Variants in CSGALNACT1 observed in about 807,000 individuals in gnomAD.
CSGALNACT1 encodes the protein chondroitin sulfate N-acetylgalactosaminyltransferase 1.
A neutral mutation model predicts 51.0 loss-of-function variants in CSGALNACT1; 52 were observed. The ratio of observed to expected loss-of-function variants is 1.02; its 90% CI spans 0.82 to 1.29. The LOEUF (loss-of-function observed/expected upper bound fraction) is 1.29. CSGALNACT1 is among the 50% of genes most tolerant of loss of function. The probability of loss-of-function intolerance (pLI) is 0.00; values close to 1 mark genes in which losing one functional copy is unlikely to be tolerated. For missense variants in CSGALNACT1, 935 were observed against 679.2 expected (o/e 1.38, Z -4.19); for synonymous variants, 341 against 254.4 (o/e 1.34, Z -3.24).
intron 1 of CSGALNACT1, chr8:19,682,371 G>C (rs1207242074): frequency 9.3e-6 from 3 of 321,212 alleles, no homozygotes; most frequent in African/African-American, 4.3e-5. Flanking sequence ...TCCCTTCCTA[G>C]GGCTCTTCTT....
chr8:19,516,055 C>T (rs116753938), intron 3 of CSGALNACT1, among the ~76,000 whole-genome samples: 1 of 152,282 alleles, frequency 6.6e-6, no homozygotes, highest in African/African-American at 2.4e-5. Flanking sequence ...TTTTGGGGCT[C>T]TTGGTGCCGG....
chr8:19,427,742 C>T lies in CSGALNACT1; in HGVS notation c.954-7224G>A, dbSNP rs183705941. 9.9e-5 allele frequency among the ~76,000 whole-genome samples: 15 copies of T among 151,934 alleles called. No homozygotes were observed. The East Asian group carries it at 2.5e-3, about 26-fold the overall frequency. On this transcript the variant is annotated intron_variant, in intron 6 of 9. Coordinates refer to ENST00000454498, the Ensembl canonical transcript of CSGALNACT1. ...GGCGAAGCTTGCCGTTAGCCGAGAT[C>T]GCGCCACTGCACTCCAGCCTGGGCA... is the stretch of plus-strand genomic sequence containing the variant.
At chr8:19,675,846 G>T (rs1244935347) in intron 1 of CSGALNACT1, among the ~76,000 whole-genome samples, 1 of 151,964 alleles carries the variant, frequency 6.6e-6, no homozygotes, top group African/African-American at 2.4e-5. Flanking sequence ...GTTCATCCAA[G>T]TCACATGCGG....
At chr8:19,669,955 C>T (rs1332531821) in intron 1 of CSGALNACT1, among the ~76,000 whole-genome samples, 1 of 152,156 alleles carries the variant, frequency 6.6e-6, no homozygotes, top group East Asian at 1.9e-4. Context: ...CTCACTCTCC[C>T]CTCAAAATGC....
At chr8:19,728,616 A>C (rs762015686) in intron 1 of CSGALNACT1, among the ~76,000 whole-genome samples, 16 of 152,296 alleles carry the variant, frequency 1.1e-4, no homozygotes, top group Middle Eastern at 3.4e-3. Flanking sequence ...TTTCCAGGCC[A>C]CATGTTCATT....
At chr8:19,529,055 CT>C (rs1191442100) in intron 3 of CSGALNACT1, among the ~76,000 whole-genome samples, 1 of 152,076 alleles carries the variant, frequency 6.6e-6, no homozygotes, top group African/African-American at 2.4e-5. Flanking sequence ...TTGAATATAC[CT>C]TTAAAAAGAA....
intron 3 of CSGALNACT1, among the ~76,000 whole-genome samples, chr8:19,515,106 C>T (rs534465462): frequency 3.4e-4 from 51 of 152,038 alleles, no homozygotes; most frequent in Non-Finnish European, 6.3e-4. Context: ...CCTTCGGGAA[C>T]CCAGCCTCAG....
upstream of CSGALNACT1, among the ~76,000 whole-genome samples, chr8:19,603,512 T>C (rs1012921197): frequency 6.6e-6 from 1 of 152,224 alleles, no homozygotes; most frequent in African/African-American, 2.4e-5. Context: ...CAAATTGCAG[T>C]TGGCAGCAAC....
intron 1 of CSGALNACT1, among the ~76,000 whole-genome samples, chr8:19,631,687 T>A (rs2055281571): frequency 2.0e-5 from 3 of 152,250 alleles, no homozygotes; most frequent in African/African-American, 7.2e-5. Context: ...TGAACTTTTT[T>A]AGTACAGCAT....
chr8:19,469,010 A>T (rs4244452), intron 4 of CSGALNACT1, among the ~76,000 whole-genome samples: 111,214 of 151,928 alleles, frequency 0.73, 41,827 homozygotes, highest in East Asian at 0.87. Context: ...GGCAGAAGAC[A>T]GCAGCATCAA....
At chr8:19,658,569 A>G (rs1223228562) in intron 1 of CSGALNACT1, among the ~76,000 whole-genome samples, 1 of 152,078 alleles carries the variant, frequency 6.6e-6, no homozygotes, top group East Asian at 1.9e-4. Context: ...CCCCATCTCT[A>G]ATGAAATCAC....
At chr8:19,694,321 A>G (rs1282323026) in intron 1 of CSGALNACT1, among the ~76,000 whole-genome samples, 1 of 152,212 alleles carries the variant, frequency 6.6e-6, no homozygotes, top group East Asian at 1.9e-4. Flanking sequence ...GTATAATGAC[A>G]GTCCTCCCTG....
chr8:19,505,496 TG>T lies in CSGALNACT1; in HGVS notation c.338del (p.Pro113GlnfsTer21). On this transcript the variant is annotated frameshift_variant, in exon 4 of 10. Transcript: ENST00000454498. LOFTEE classifies it high-confidence loss of function. ...CCAGGAGGTCGGCCTGGGTTTTCTCTGGGGGGCTCCTGTCCAGACCCAGGCC... is the reference window on the plus strand; with the variant it reads ...CCAGGAGGTCGGCCTGGGTTTTCTCTGGGGGCTCCTGTCCAGACCCAGGCC... 4 of 1,614,072 alleles carry T rather than the reference TG, an allele frequency of 2.5e-6. No homozygotes were observed. The highest frequency in any genetic ancestry group is 3.4e-6 in the Non-Finnish European group (4 of 1,180,024).
intron 1 of CSGALNACT1, among the ~76,000 whole-genome samples, chr8:19,726,038 A>T (rs1190446628): frequency 6.6e-6 from 1 of 152,270 alleles, no homozygotes; most frequent in East Asian, 1.9e-4. Context: ...CTGTGTTCTG[A>T]AGGCTTAAAT....
chr8:19,526,030 C>T (rs1417125601), intron 3 of CSGALNACT1, among the ~76,000 whole-genome samples: 1 of 152,202 alleles, frequency 6.6e-6, no homozygotes, highest in Non-Finnish European at 1.5e-5. Context: ...CAGACCTTTA[C>T]AACTTCCTAT....
chr8:19,662,359 C>T lies in CSGALNACT1; in HGVS notation c.-544+20114G>A, dbSNP rs147648786. Among the ~76,000 whole-genome samples the T allele has an allele frequency of 2.3e-3, 357 of 151,992 alleles. 2 individuals are homozygous for T. Among genetic ancestry groups the T allele is most frequent in the African/African-American group, 8.1e-3 (336 of 41,454 alleles). On this transcript the variant is annotated intron_variant, in intron 1 of 9. Transcript: ENST00000332246. Reference sequence around the variant, plus strand: ...TCACACCACTGCACTCCAGTCTGGGCGACAGAGAAAGATTCTTGCCTCTAA... The same window carrying T: ...TCACACCACTGCACTCCAGTCTGGGTGACAGAGAAAGATTCTTGCCTCTAA...
intron 3 of CSGALNACT1, among the ~76,000 whole-genome samples, chr8:19,512,757 C>A (rs1182442164): frequency 3.3e-5 from 5 of 152,138 alleles, no homozygotes; most frequent in Admixed American, 3.3e-4. Context: ...TGCTTTCTAC[C>A]AAAGCCCTCC....
rs2059403883 is a variant in CSGALNACT1 at position 19,667,032 on chromosome 8, GAAGGAAGGAAGAAAGAAAGA to G, written c.-544+15421_-544+15440del. On this transcript the variant is annotated intron_variant, in intron 1 of 9. Transcript: ENST00000332246. ...GAAAGAAAGAAAGGAAGGAAGGAAG[GAAGGAAGGAAGAAAGAAAGA>G]AAGAAAGAAAGAAAGAAAGAAAGAA... is the stretch of plus-strand genomic sequence containing the variant. 1.4e-4 allele frequency among the ~76,000 whole-genome samples: 4 copies of G among 27,774 alleles called. No individual in the cohort carries two copies. The Admixed American group carries it at 1.5e-3, about 11-fold the overall frequency. The allele number at this position is 27,774 out of a possible 152,430, so 18.2% of individuals were successfully genotyped here. A position where few individuals can be genotyped will look rare whatever the true frequency, so the allele number is the denominator to read the frequency against.
intron 1 of CSGALNACT1, among the ~76,000 whole-genome samples, chr8:19,619,396 C>A (rs1032520410): frequency 6.6e-6 from 1 of 151,894 alleles, no homozygotes; most frequent in Admixed American, 6.6e-5. Flanking sequence ...GGAACCTCTG[C>A]GAAGGGATGG....
Sources: allele counts gnomAD v4.1 joint callset (sites outside exome capture counted in the v4.1 genomes callset), GRCh38; gene constraint gnomAD v4.1.1; transcripts MANE v1.5; gene names NCBI Gene and HGNC (gene_info 2026-07-23, HGNC 2026-07-21).